TAOK3: variants seen among roughly 807,000 people sequenced by gnomAD.
The protein encoded by TAOK3 is TAO kinase 3.
A neutral mutation model predicts 120.4 loss-of-function variants in TAOK3; 40 were observed. The ratio of observed to expected loss-of-function variants is 0.33; its 90% CI spans 0.26 to 0.43. TAOK3 has a LOEUF of 0.43. Among genes scored for constraint, TAOK3 ranks in the 20% least tolerant of loss-of-function variants. The pLI is 1.00. For synonymous variants in TAOK3, 355 were observed against 387.5 expected, an observed-to-expected ratio of 0.92 and a Z score of 0.99; for missense variants, 821 against 1,112.1, an observed-to-expected ratio of 0.74 and a Z score of 3.72.
At chr12:118,173,306 A>T (rs1201611972) in intron 16 of TAOK3, among the ~76,000 whole-genome samples, 1 of 152,222 alleles carries the variant, frequency 6.6e-6, no homozygotes, top group Non-Finnish European at 1.5e-5. Flanking sequence ...CTGGCCAGGT[A>T]GGCAGGACCA....
chr12:118,172,445 C>T lies in TAOK3; in HGVS notation c.1899+12G>A, dbSNP rs766248092. On this transcript the variant is annotated intron_variant, in intron 17 of 20. Transcript: ENST00000392533. The stretch of plus-strand genomic sequence containing the variant: ...CTATGTCAATGACAATAGTTACGAG[C>T]GTAATAAATACCTCCCGAATGTTCT... The T allele has an allele frequency of 6.9e-5, 111 of 1,613,550 alleles. No homozygotes were observed. The highest frequency in any genetic ancestry group is 8.5e-5 in the Non-Finnish European group (100 of 1,179,596).
intron 11 of TAOK3, among the ~76,000 whole-genome samples, chr12:118,203,382 C>T (rs548590398): frequency 6.6e-6 from 1 of 152,046 alleles, no homozygotes; most frequent in Non-Finnish European, 1.5e-5. Flanking sequence ...CCTAGTTTCT[C>T]AGCCCATAGC....
chr12:118,223,249 T>C (rs1366826978), intron 9 of TAOK3, among the ~76,000 whole-genome samples: 1 of 151,192 alleles, frequency 6.6e-6, no homozygotes, highest in East Asian at 1.9e-4. Flanking sequence ...TTTTTTGTAT[T>C]TTTAGTAGAG....
At chr12:118,362,336 AG>A (rs2045623948) in intron 1 of TAOK3, among the ~76,000 whole-genome samples, 1 of 149,826 alleles carries the variant, frequency 6.7e-6, no homozygotes, top group Non-Finnish European at 1.5e-5. Flanking sequence ...AAAAAAAAAA[AG>A]GTCCATGCAT....
chr12:118,168,472 C>T (rs548587509), intron 17 of TAOK3, among the ~76,000 whole-genome samples: 2 of 152,280 alleles, frequency 1.3e-5, no homozygotes, highest in South Asian at 4.1e-4. Flanking sequence ...ACCGTAAATA[C>T]ATACAATTTT....
intron 11 of TAOK3, among the ~76,000 whole-genome samples, chr12:118,208,014 G>T (rs1225002965): frequency 6.6e-6 from 1 of 151,938 alleles, no homozygotes; most frequent in Non-Finnish European, 1.5e-5. Flanking sequence ...TTACGAGATT[G>T]AAGTTACTTT....
intron 17 of TAOK3, among the ~76,000 whole-genome samples, chr12:118,166,577 T>C (rs989380857): frequency 5.5e-4 from 83 of 152,020 alleles, no homozygotes; most frequent in African/African-American, 2.0e-3. Flanking sequence ...TGGCATACTT[T>C]CCTGTTTTAT....
intron 1 of TAOK3, among the ~76,000 whole-genome samples, chr12:118,284,929 G>A (rs1005227039): frequency 1.3e-5 from 2 of 151,520 alleles, no homozygotes; most frequent in African/African-American, 2.4e-5. Flanking sequence ...AAATTGAGAT[G>A]AGTAGTCAAA....
intron 16 of TAOK3, among the ~76,000 whole-genome samples, chr12:118,175,216 A>G (rs1376502677): frequency 6.6e-6 from 1 of 152,288 alleles, no homozygotes; most frequent in East Asian, 1.9e-4. Flanking sequence ...CCAGTGGCTT[A>G]CCTGGGCAGG....
intron 1 of TAOK3, among the ~76,000 whole-genome samples, chr12:118,312,588 T>A (rs796707961): frequency 6.6e-6 from 1 of 152,186 alleles, no homozygotes; most frequent in Admixed American, 6.5e-5. Flanking sequence ...AACCTACAAA[T>A]GTTTTATAAT....
At chr12:118,269,291 A>G (rs533942564) in intron 1 of TAOK3, among the ~76,000 whole-genome samples, 30 of 151,536 alleles carry the variant, frequency 2.0e-4, no homozygotes, top group African/African-American at 7.2e-4. Flanking sequence ...CCTCCTGAGT[A>G]GCTGGGAGGA....
intron 13 of TAOK3, among the ~76,000 whole-genome samples, chr12:118,194,074 A>C (rs573607380): frequency 4.2e-4 from 64 of 152,302 alleles, no homozygotes; most frequent in African/African-American, 1.5e-3. Context: ...GTATTTCATA[A>C]AAACCTGCCA....
In TAOK3 at chr12:118,150,710, A is replaced by G. The variant is rs2034330159; in HGVS notation, c.*287T>C. 2 of 271,560 alleles carry G rather than the reference A, an allele frequency of 7.4e-6. No individual in the cohort carries two copies. Among genetic ancestry groups the G allele is most frequent in the East Asian group, 1.3e-4 (2 of 15,564 alleles). The allele number at this position is 271,560 out of a possible 1,614,324, so 16.8% of individuals were successfully genotyped here. A position where few individuals can be genotyped will look rare whatever the true frequency, so the allele number is the denominator to read the frequency against. ...ATTGGTTTTGTTAAAACTGTCTCCAAAGTTTTCACTGAAACATTTTGAATC... is the reference window on the plus strand; with the variant it reads ...ATTGGTTTTGTTAAAACTGTCTCCAGAGTTTTCACTGAAACATTTTGAATC... On this transcript the variant is annotated 3_prime_UTR_variant, in exon 21 of 21. Coordinates refer to ENST00000392533, the MANE Select transcript of TAOK3 (RefSeq NM_016281.4).
chr12:118,301,022 T>TGCCTCAGCCTCCCAAAGTGCTGGGATTA (rs2042862171), intron 1 of TAOK3, among the ~76,000 whole-genome samples: 1 of 152,158 alleles, frequency 6.6e-6, no homozygotes, highest in Non-Finnish European at 1.5e-5. Flanking sequence ...ATGATCTGCC[T>TGCCTCAGCCTCCCAAAGTGCTGGGATTA]GCCTCAGCCT....
intron 14 of TAOK3, among the ~76,000 whole-genome samples, chr12:118,186,129 C>T (rs1275460970): frequency 6.6e-6 from 1 of 152,162 alleles, no homozygotes; most frequent in East Asian, 1.9e-4. Context: ...ATGAGCTTTT[C>T]TATCGAATCT....
intron 1 of TAOK3, among the ~76,000 whole-genome samples, chr12:118,280,242 G>A (rs1424313400): frequency 1.3e-5 from 2 of 152,014 alleles, no homozygotes. Flanking sequence ...TGTATTTTTA[G>A]TAGAGACAGC....
rs185244234 is a variant in TAOK3 at position 118,278,875 on chromosome 12, C to T, written c.-193-12116G>A. On this transcript the variant is annotated intron_variant, in intron 1 of 20. Coordinates refer to ENST00000392533, the MANE Select transcript of TAOK3 (RefSeq NM_016281.4). ...AGGCTGGAGTGCAGTGGTGCGGTCT[C>T]GGCTCACCACAACCTCCGCCTCCCG... is the stretch of plus-strand genomic sequence containing the variant. 4.0e-3 allele frequency among the ~76,000 whole-genome samples: 614 copies of T among 152,062 alleles called. 4 individuals carry two copies. The highest frequency in any genetic ancestry group is 0.013 in the African/African-American group (554 of 41,466).
intron 1 of TAOK3, among the ~76,000 whole-genome samples, chr12:118,289,278 G>A (rs1312684473): frequency 8.5e-6 from 1 of 117,030 alleles, no homozygotes; most frequent in Non-Finnish European, 1.6e-5. Flanking sequence ...AAGCCTGGGT[G>A]ACACACCAAG....
At chr12:118,257,514 G>C (rs2041039762) in intron 2 of TAOK3, among the ~76,000 whole-genome samples, 1 of 151,848 alleles carries the variant, frequency 6.6e-6, no homozygotes, top group South Asian at 2.1e-4. Flanking sequence ...CTCATACCCA[G>C]ATAATCATTT....
Sources: gnomAD v4.1 joint callset for allele counts (sites outside exome capture counted in the v4.1 genomes callset) on GRCh38, gnomAD v4.1.1 for gene constraint, MANE v1.5 for transcripts, NCBI Gene and HGNC (gene_info 2026-07-23, HGNC 2026-07-21) for gene names.